SCD5: variants seen among roughly 807,000 people sequenced by gnomAD.
SCD5 encodes stearoyl-CoA desaturase 5.
Under a neutral mutation model 30.4 loss-of-function variants are expected in SCD5, and 20 were observed. The ratio of observed to expected loss-of-function variants is 0.66; its 90% CI spans 0.46 to 0.96. The LOEUF is 0.96. Ranked by LOEUF, SCD5 falls within the 40% of genes least tolerant of loss-of-function variation. SCD5 has a pLI of 0.00. For missense variants in SCD5, 381 were observed against 443.3 expected (o/e 0.86, Z 1.26); for synonymous variants, 173 against 176.4 (o/e 0.98, Z 0.16).
At chr4:82,794,525 A>G (rs1415955524) in intron 1 of SCD5, among the ~76,000 whole-genome samples, 1 of 151,964 alleles carries the variant, frequency 6.6e-6, no homozygotes, top group Non-Finnish European at 1.5e-5. Context: ...TCCCTGCTCT[A>G]CCCATCTTGG....
chr4:82,720,245 T>G (rs900783777), intron 1 of SCD5, among the ~76,000 whole-genome samples: 2 of 151,654 alleles, frequency 1.3e-5, no homozygotes, highest in Admixed American at 1.3e-4. Flanking sequence ...TTGGGCAACA[T>G]AGTGAGACAC....
chr4:82,737,143 G>T (rs1043559178), intron 1 of SCD5, among the ~76,000 whole-genome samples: 3 of 152,116 alleles, frequency 2.0e-5, no homozygotes, highest in African/African-American at 7.2e-5. Context: ...ATGTTTGTAT[G>T]AGGGTATAAC....
intron 1 of SCD5, among the ~76,000 whole-genome samples, chr4:82,752,066 CCTG>C (rs1233909459): frequency 6.6e-6 from 1 of 152,132 alleles, no homozygotes; most frequent in Non-Finnish European, 1.5e-5. Flanking sequence ...CTGTTAAAGA[CCTG>C]CTTTAAAGCA....
At chr4:82,652,303 T>G (rs1327745648) in intron 3 of SCD5, among the ~76,000 whole-genome samples, 2 of 152,210 alleles carry the variant, frequency 1.3e-5, no homozygotes, top group African/African-American at 4.8e-5. Context: ...AGGAGACAGC[T>G]CTGACTCATA....
chr4:82,755,937 T>C (rs1277166759), intron 1 of SCD5, among the ~76,000 whole-genome samples: 1 of 152,140 alleles, frequency 6.6e-6, no homozygotes, highest in Non-Finnish European at 1.5e-5. Flanking sequence ...AAAAATCACT[T>C]CAGATTATGA....
chr4:82,741,585 C>T (rs1040759740), intron 1 of SCD5, among the ~76,000 whole-genome samples: 5 of 152,098 alleles, frequency 3.3e-5, no homozygotes, highest in African/African-American at 9.7e-5. Flanking sequence ...TTGTTTTAAA[C>T]CACTCCATTT....
chr4:82,785,322 T>A lies in SCD5; in HGVS notation c.232+12984A>T, dbSNP rs556055285. 2.0e-5 allele frequency among the ~76,000 whole-genome samples: 3 copies of A among 152,310 alleles called. No individual in the cohort carries two copies. In the East Asian group the frequency reaches 5.8e-4, roughly 29 times the overall value. ...CAAAAGGGTCTTCCTCCCCTCTTTA[T>A]AAGGAAAAGCAAAGGATGACCATGC... On this transcript the variant is annotated intron_variant, in intron 1 of 4. Transcript: ENST00000319540.
intron 1 of SCD5, among the ~76,000 whole-genome samples, chr4:82,773,134 G>A (rs769039388): frequency 6.6e-6 from 1 of 152,048 alleles, no homozygotes; most frequent in Non-Finnish European, 1.5e-5. Flanking sequence ...AGCTTCGAGG[G>A]GTACAATAGA....
In SCD5 at chr4:82,714,665, G is replaced by GT. The variant is rs1222974099; in HGVS notation, c.233-9253dup. On this transcript the variant is annotated intron_variant, in intron 1 of 4. Coordinates refer to ENST00000319540, the MANE Select transcript of SCD5 (RefSeq NM_001037582.3). ...CCAGGTCTGGAAGGGACTCATATAG[G>GT]TTGAGCATCCCTAATCTGAAAATCT... Among the ~76,000 whole-genome samples the GT allele has an allele frequency of 2.6e-5, 4 of 152,188 alleles. No homozygotes were observed. The East Asian group carries it at 7.7e-4, about 29-fold the overall frequency.
Position 82,712,271 on chromosome 4 carries a change from T to TAC in SCD5, c.233-6859_233-6858insGT, listed in dbSNP as rs1421547639. On this transcript the variant is annotated intron_variant, in intron 1 of 4. Coordinates refer to ENST00000319540, the MANE Select transcript of SCD5 (RefSeq NM_001037582.3). ...ATATATATATATATATATATATATA[T>TAC]ATATATATATATATATATATATATA... is the stretch of plus-strand genomic sequence containing the variant. 3.0e-4 allele frequency among the ~76,000 whole-genome samples: 15 copies of TAC among 49,864 alleles called. 3 individuals are homozygous for TAC. Among genetic ancestry groups the TAC allele is most frequent in the African/African-American group, 1.8e-3 (13 of 7,406 alleles). The allele number at this position is 49,864 out of a possible 152,430, so 32.7% of individuals were successfully genotyped here. A position where few individuals can be genotyped will look rare whatever the true frequency, so the allele number is the denominator to read the frequency against.
intron 1 of SCD5, among the ~76,000 whole-genome samples, chr4:82,717,494 GT>G (rs1560542577): frequency 6.6e-6 from 1 of 151,848 alleles, no homozygotes; most frequent in Non-Finnish European, 1.5e-5. Context: ...TAATTATTCA[GT>G]TTTTATTTTA....
chr4:82,632,905 G>A (rs902258127), intron 4 of SCD5, among the ~76,000 whole-genome samples: 2 of 151,832 alleles, frequency 1.3e-5, no homozygotes, highest in African/African-American at 2.4e-5. Context: ...GTACAACACC[G>A]GGTTCTGAGA....
rs368839845 is a variant in SCD5, at chr4:82,664,961, A to ATCTCTCTCTCTCTCTC, written c.569+15730_569+15745dup. Among the ~76,000 whole-genome samples, 314 of 77,032 alleles carry ATCTCTCTCTCTCTCTC rather than the reference A, an allele frequency of 4.1e-3. 1 individual carries two copies. The highest frequency in any genetic ancestry group is 5.8e-3 in the Non-Finnish European group (257 of 43,954). 50.5% of individuals were successfully genotyped at this position (77,032 alleles called of 152,430 possible). On this transcript the variant is annotated intron_variant, in intron 3 of 4. Transcript: ENST00000319540. ...AGCCTGGGCAGCATAGCAAGACCCC[A>ATCTCTCTCTCTCTCTC]TCTCTCTCTCTCTCTCTCTCTCTCT... is the stretch of plus-strand genomic sequence containing the variant.
At chr4:82,664,445 G>A (rs1010823569) in intron 3 of SCD5, among the ~76,000 whole-genome samples, 30 of 151,978 alleles carry the variant, frequency 2.0e-4, no homozygotes, top group African/African-American at 7.3e-4. Context: ...AAGTGCAAGG[G>A]GGGGGGAACA....
intron 2 of SCD5, among the ~76,000 whole-genome samples, chr4:82,694,455 A>G (rs939092304): frequency 2.6e-5 from 4 of 152,220 alleles, no homozygotes; most frequent in African/African-American, 9.6e-5. Context: ...AGTTTTCCTC[A>G]GGAAAACTCT....
chr4:82,751,515 A>C (rs1050202643), intron 1 of SCD5, among the ~76,000 whole-genome samples: 13 of 152,218 alleles, frequency 8.5e-5, no homozygotes, highest in Non-Finnish European at 2.9e-5. Context: ...TCCTATGTAC[A>C]TCAGTCAGGG....
chr4:82,731,949 G>T (rs541480570), intron 1 of SCD5, among the ~76,000 whole-genome samples: 22 of 152,122 alleles, frequency 1.4e-4, no homozygotes, highest in Non-Finnish European at 2.8e-4. Flanking sequence ...GGTGCCTGCT[G>T]CCTTTGCTTC....
intron 1 of SCD5, among the ~76,000 whole-genome samples, chr4:82,730,050 C>G (rs1156846495): frequency 6.6e-6 from 1 of 151,910 alleles, no homozygotes; most frequent in Non-Finnish European, 1.5e-5. Flanking sequence ...TTGAGTTACT[C>G]ATCTCTGAGT....
intron 1 of SCD5, among the ~76,000 whole-genome samples, chr4:82,774,050 C>T (rs1429450985): frequency 1.3e-5 from 2 of 149,548 alleles, no homozygotes; most frequent in South Asian, 2.1e-4. Flanking sequence ...GATCATGCCA[C>T]TGCACTCCAG....
Sources: allele counts gnomAD v4.1 joint callset (sites outside exome capture counted in the v4.1 genomes callset), GRCh38; gene constraint gnomAD v4.1.1; transcripts MANE v1.5; gene names NCBI Gene and HGNC (gene_info 2026-07-23, HGNC 2026-07-21).